The following DSCAM variants were observed in gnomAD, a reference collection of about 807,000 sequenced individuals.
DSCAM encodes the protein DS cell adhesion molecule.
In DSCAM, 47 loss-of-function variants were observed where a neutral mutation model predicts 217.7. The observed-to-expected ratio is 0.22, with a 90% CI of 0.17 to 0.28. DSCAM has a LOEUF of 0.28. DSCAM is among the 10% of genes least tolerant of loss of function. The probability of loss-of-function intolerance (pLI) is 1.00; values close to 1 mark genes in which losing one functional copy is unlikely to be tolerated. For synonymous variants in DSCAM, 1,056 were observed against 1,015.3 expected (o/e 1.04, Z -0.76); for missense variants, 2,080 against 2,618.3 (o/e 0.79, Z 4.49).
chr21:40,280,100 C>A (rs1348185714), intron 10 of DSCAM, among the ~76,000 whole-genome samples: 1 of 151,076 alleles, frequency 6.6e-6, no homozygotes, highest in Non-Finnish European at 1.5e-5. Context: ...ACACGTTCTG[C>A]ACATGTATCC....
chr21:40,030,278 G>A (rs1000916041), intron 32 of DSCAM, among the ~76,000 whole-genome samples: 1 of 152,160 alleles, frequency 6.6e-6, no homozygotes, highest in Non-Finnish European at 1.5e-5. Context: ...TGGGAACTGA[G>A]GATGCAGTGA....
At chr21:40,846,137 G>A (rs2092143137) in intron 1 of DSCAM, among the ~76,000 whole-genome samples, 1 of 152,116 alleles carries the variant, frequency 6.6e-6, no homozygotes, top group Non-Finnish European at 1.5e-5. Flanking sequence ...CCTCCTTGGT[G>A]CTGGAGATAC....
At chr21:40,066,630 T>G (rs930526750) in intron 27 of DSCAM, among the ~76,000 whole-genome samples, 23 of 152,350 alleles carry the variant, frequency 1.5e-4, no homozygotes, top group African/African-American at 5.1e-4. Context: ...TATAGAAGAC[T>G]TCACAATTAT....
intron 18 of DSCAM, among the ~76,000 whole-genome samples, chr21:40,134,885 A>G (rs1270886983): frequency 6.6e-6 from 1 of 152,146 alleles, no homozygotes; most frequent in Non-Finnish European, 1.5e-5. Context: ...CCTGGAGTGA[A>G]CTCCTCTCAG....
At chr21:40,255,373 A>G (rs2073357073) in intron 11 of DSCAM, among the ~76,000 whole-genome samples, 2 of 152,314 alleles carry the variant, frequency 1.3e-5, no homozygotes, top group African/African-American at 2.4e-5. Flanking sequence ...TGAGTCTATA[A>G]AAGACTTAAA....
chr21:40,287,747 C>A (rs1486777153), intron 10 of DSCAM, among the ~76,000 whole-genome samples: 1 of 152,084 alleles, frequency 6.6e-6, no homozygotes, highest in Admixed American at 6.6e-5. Flanking sequence ...GCTTTTAGGG[C>A]CCTAGTGGTA....
chr21:40,445,173 C>G (rs888298181), intron 3 of DSCAM, among the ~76,000 whole-genome samples: 3 of 152,168 alleles, frequency 2.0e-5, no homozygotes, highest in African/African-American at 7.2e-5. Flanking sequence ...GTGGAGTTCT[C>G]ATGTCTTAAT....
rs747096938 is a variant in DSCAM, at chr21:40,080,891, T to G, written c.4232-551A>C. On this transcript the variant is annotated intron_variant, in intron 24 of 32. Coordinates refer to ENST00000400454, the MANE Select transcript of DSCAM (RefSeq NM_001389.5). ...CCTGGCTTCTCTTTGGTTTGAAAAA[T>G]TCCTCCAACAATTCATTCCCCCACA... is the stretch of plus-strand genomic sequence containing the variant. 6.6e-5 allele frequency among the ~76,000 whole-genome samples: 10 copies of G among 152,268 alleles called. 1 individual carries two copies. Among genetic ancestry groups the G allele is most frequent in the Middle Eastern group, 6.8e-3 (2 of 294 alleles).
chr21:40,257,444 T>G (rs912723083), intron 11 of DSCAM, among the ~76,000 whole-genome samples: 1 of 149,464 alleles, frequency 6.7e-6, no homozygotes, highest in African/African-American at 2.5e-5. Flanking sequence ...AAGCTGCAGA[T>G]TCAAAGGGCT....
chr21:40,058,859 G>A (rs771353250), intron 28 of DSCAM, among the ~76,000 whole-genome samples: 8 of 152,140 alleles, frequency 5.3e-5, no homozygotes, highest in Non-Finnish European at 1.2e-4. Flanking sequence ...TTTTCACTGT[G>A]GAAGCAAAAA....
chr21:40,157,860 AT>A (rs201078377), intron 16 of DSCAM, among the ~76,000 whole-genome samples: 1 of 151,440 alleles, frequency 6.6e-6, no homozygotes, highest in Non-Finnish European at 1.5e-5. Flanking sequence ...ACACCCAGCT[AT>A]TTTTTTTCTT....
At chr21:40,711,106 G>C (rs2090774838) in intron 1 of DSCAM, among the ~76,000 whole-genome samples, 1 of 151,168 alleles carries the variant, frequency 6.6e-6, no homozygotes, top group Non-Finnish European at 1.5e-5. Context: ...TCTGATGAAG[G>C]CTTTTGAGAT....
intron 3 of DSCAM, among the ~76,000 whole-genome samples, chr21:40,669,590 A>AT (rs34792774): frequency 0.057 from 299 of 5,242 alleles, 1 homozygote; most frequent in Middle Eastern, 0.083. Context: ...TGTTATATAT[A>AT]TTTTTTTTTT....
chr21:40,104,953 A>G (rs13049725), intron 20 of DSCAM, among the ~76,000 whole-genome samples: 15,258 of 152,240 alleles, frequency 0.1, 828 homozygotes, highest in Non-Finnish European at 0.13. Context: ...GGTGGCATAC[A>G]CTAAGCTACC....
chr21:40,713,319 A>C (rs1460154469), intron 1 of DSCAM, among the ~76,000 whole-genome samples: 1 of 152,250 alleles, frequency 6.6e-6, no homozygotes, highest in East Asian at 1.9e-4. Flanking sequence ...CAGTATAAAC[A>C]CAGTGGTCAA....
chr21:40,536,587 TA>T (rs528732541), intron 3 of DSCAM, among the ~76,000 whole-genome samples: 2 of 152,030 alleles, frequency 1.3e-5, no homozygotes, highest in African/African-American at 4.8e-5. Context: ...TTTTTATTTT[TA>T]GTAGAGACAG....
At chr21:40,094,022 T>C in intron 20 of DSCAM, 148 bp from the exon 21 acceptor site, 1 of 833,310 alleles carries the variant, frequency 1.2e-6, no homozygotes, top group Admixed American at 3.0e-5. Context: ...CAATATAAAA[T>C]GTAACTGGTA....
chr21:40,604,287 C>A (rs1057477512), intron 3 of DSCAM, among the ~76,000 whole-genome samples: 11 of 152,090 alleles, frequency 7.2e-5, no homozygotes, highest in Admixed American at 2.0e-4. Context: ...CCTTTAAATT[C>A]TTCCTTAGAG....
intron 16 of DSCAM, among the ~76,000 whole-genome samples, chr21:40,151,713 G>A (rs2090424628): frequency 6.6e-6 from 1 of 152,226 alleles, no homozygotes; most frequent in Non-Finnish European, 1.5e-5. Flanking sequence ...CTGTTGAAGA[G>A]AGGCCTGGCT....
Sources: gnomAD v4.1 joint callset for allele counts (sites outside exome capture counted in the v4.1 genomes callset) on GRCh38, gnomAD v4.1.1 for gene constraint, MANE v1.5 for transcripts, NCBI Gene and HGNC (gene_info 2026-07-23, HGNC 2026-07-21) for gene names.